CTU2: variants seen among roughly 807,000 people sequenced by gnomAD.
CTU2 encodes cytoplasmic tRNA 2-thiolation protein 2.
CTU2 carries 80 observed loss-of-function variants against 64.1 expected under a neutral mutation model. That is an observed-to-expected ratio of 1.25 (90% CI 1.04 to 1.50). The LOEUF is 1.50. Among genes scored for constraint, CTU2 ranks in the 40% most tolerant of loss-of-function variants. The pLI, the probability that CTU2 is intolerant of heterozygous loss-of-function variation, is 0.00. For synonymous variants in CTU2, 482 were observed against 285.3 expected, an observed-to-expected ratio of 1.69 and a Z score of -6.95; for missense variants, 1,110 against 690.2, an observed-to-expected ratio of 1.61 and a Z score of -6.81.
At position 88,712,849 on chromosome 16, in the gene CTU2, A is replaced by C. The variant is rs376136813; in HGVS notation, c.681A>C (p.Gln227His). 1 of 1,581,268 alleles carries C rather than the reference A, an allele frequency of 6.3e-7. No individual in the cohort carries two copies. Among genetic ancestry groups the C allele is most frequent in the South Asian group, 1.2e-5 (1 of 86,444 alleles). ...PAPAQTEALS[Q>H]LFCSVRTLTA... ...CTGCCCAGACTGAGGCTCTTTCCCA[A>C]CTGTTCTGCTCAGTGAGGACACTGA... The change falls in exon 7 of 15, where the codon CAA becomes CAC. Residue 227 changes from glutamine (Q) to histidine (H), a missense_variant. Physicochemically the swap from Gln to His is conservative, Grantham distance 24. Coordinates refer to ENST00000453996, the MANE Select transcript of CTU2 (RefSeq NM_001012759.3).
chr16:88,706,668 C>A (rs1227373300), intron 1 of CTU2, 70 bp downstream of exon 1: 3 of 1,181,224 alleles, frequency 2.5e-6, no homozygotes, highest in Non-Finnish European at 3.3e-6. Context: ...CCGAAGGGTC[C>A]CGGCCGGGCT....
At position 88,715,227 on chromosome 16, in the gene CTU2, T is replaced by TGACGACGAGGCGGGCCAGA; in HGVS notation, c.1526_1544dup (p.Ser515ArgfsTer44). 6.2e-7 allele frequency: 1 copy of TGACGACGAGGCGGGCCAGA among 1,612,066 alleles called. No homozygotes were observed. The highest frequency in any genetic ancestry group is 8.5e-7 in the Non-Finnish European group (1 of 1,179,828). ...TCCGGGACTGTCTGATTGAGGACAG[T>TGACGACGAGGCGGGCCAGA]GACGACGAGGCGGGCCAGAGCTGAG... On this transcript the variant is annotated frameshift_variant, in exon 15 of 15. Transcript: ENST00000453996. LOFTEE classifies it high-confidence loss of function.
Position 88,713,716 on chromosome 16 carries a change from G to GTCGCTTTCTACAACCGCCTGTTCTCCGT in CTU2, c.946_973dup (p.Pro325ArgfsTer23). 1 of 1,612,682 alleles carries GTCGCTTTCTACAACCGCCTGTTCTCCGT rather than the reference G, an allele frequency of 6.2e-7. No homozygotes were observed. The highest frequency in any genetic ancestry group is 8.5e-7 in the Non-Finnish European group (1 of 1,179,892). ...CATGCGGGACCACACCCTGAAGGAGGTCGCTTTCTACAACCGCCTGTTCTC... is the reference window on the plus strand; with the variant it reads ...CATGCGGGACCACACCCTGAAGGAGGTCGCTTTCTACAACCGCCTGTTCTCCGTTCGCTTTCTACAACCGCCTGTTCTC... On this transcript the variant is annotated frameshift_variant, in exon 9 of 15. Coordinates refer to ENST00000453996, the MANE Select transcript of CTU2 (RefSeq NM_001012759.3). LOFTEE classifies it high-confidence loss of function.
chr16:88,713,280 C>T, intron 7 of CTU2, 32 bp from the exon 8 acceptor site: 4 of 1,565,950 alleles, frequency 2.6e-6, no homozygotes, highest in Non-Finnish European at 3.5e-6. Flanking sequence ...GGTCCTGCAC[C>T]CCCCAGGCCC....
chr16:88,713,734 C>A lies in CTU2; in HGVS notation c.961C>A (p.Leu321Met), dbSNP rs911187520. The part of the protein sequence containing the change: ...TLKEVAFYNR[L>M]FSVPSVFTPA... The stretch of plus-strand genomic sequence containing the variant: ...GAAGGAGGTCGCTTTCTACAACCGC[C>A]TGTTCTCCGTTCCTTCTGTCTTCAC... The change falls in exon 9 of 15, where the codon CTG becomes ATG. Residue 321 changes from leucine to methionine, a missense_variant. Physicochemically the swap from Leu to Met is conservative, Grantham distance 15 (BLOSUM62 2). Transcript: ENST00000453996. 6.2e-7 allele frequency: 1 copy of A among 1,612,734 alleles called. No homozygotes were observed. Among genetic ancestry groups the A allele is most frequent in the Non-Finnish European group, 8.5e-7 (1 of 1,179,902 alleles).
chr16:88,708,763 A>C (rs1416370564), intron 2 of CTU2, among the ~76,000 whole-genome samples: 1 of 152,166 alleles, frequency 6.6e-6, no homozygotes, highest in Non-Finnish European at 1.5e-5. Flanking sequence ...TTAGAGCCCC[A>C]GGTGCAGGGT....
Position 88,712,662 on chromosome 16 carries a change from A to G in CTU2, c.494A>G (p.Gln165Arg). 4 of 1,610,614 alleles carry G rather than the reference A, an allele frequency of 2.5e-6. No individual in the cohort carries two copies. In the African/African-American group the frequency reaches 4.0e-5, roughly 16 times the overall value. ...CCGTCGGTGCTTTGGTGCTCTGCCC[A>G]GGAGCTGGTGGGATCCGAGGGGGCC... ...LPPSVLWCSA[Q>R]ELVGSEGAYK... Residue 165 changes from glutamine (Q) to arginine (R), a missense_variant, in exon 7 of 15, where the codon CAG becomes CGG. Gln to Arg is a conservative substitution (Grantham distance 43, BLOSUM62 1). Transcript: ENST00000453996.
chr16:88,712,553 G>C (rs1911417900), intron 6 of CTU2, 69 bp from the exon 7 acceptor site: 4 of 1,561,606 alleles, frequency 2.6e-6, no homozygotes, highest in African/African-American at 2.7e-5. Flanking sequence ...CATCCCGGAA[G>C]GTGGGGCTGT....
Position 88,715,189 on chromosome 16 carries a change from G to GGCTT in CTU2, c.1489_1492dup (p.Gln498LeufsTer10), listed in dbSNP as rs1567654642. 1.9e-6 allele frequency: 3 copies of GGCTT among 1,612,436 alleles called. 1 individual carries two copies. In the East Asian group the frequency reaches 6.7e-5, roughly 36 times the overall value. The stretch of plus-strand genomic sequence containing the variant: ...CTGCAGCTTTCTCTCTAGGGCCTGG[G>GGCTT]GCTTGCAGGAGATCCGGGACTGTCT... On this transcript the variant is annotated frameshift_variant, in exon 15 of 15. Coordinates refer to ENST00000453996, the MANE Select transcript of CTU2 (RefSeq NM_001012759.3). LOFTEE classifies it low-confidence loss of function (END_TRUNC).
chr16:88,712,666 G>A lies in CTU2; in HGVS notation c.498G>A (p.Glu166=), dbSNP rs1911430645. 1.9e-6 allele frequency: 3 copies of A among 1,610,662 alleles called. No homozygotes were observed. Among genetic ancestry groups the A allele is most frequent in the Non-Finnish European group, 2.5e-6 (3 of 1,179,572 alleles). ...CGGTGCTTTGGTGCTCTGCCCAGGA[G>A]CTGGTGGGATCCGAGGGGGCCTACA... ...PPSVLWCSAQ[E]LVGSEGAYKA... The change falls in exon 7 of 15, where the codon GAG becomes GAA. Residue 166 remains glutamate (E), a synonymous_variant. Coordinates refer to ENST00000453996, the MANE Select transcript of CTU2 (RefSeq NM_001012759.3).
chr16:88,708,504 C>G (rs150076191), intron 2 of CTU2, among the ~76,000 whole-genome samples: 1 of 152,116 alleles, frequency 6.6e-6, no homozygotes, highest in South Asian at 2.1e-4. Context: ...AAGCCCAGCA[C>G]CTGTGTCTCC....
Position 88,714,209 on chromosome 16 carries a change from C to T in CTU2, c.1079C>T (p.Thr360Ile), listed in dbSNP as rs1567652049. The T allele has an allele frequency of 1.9e-6, 3 of 1,604,688 alleles. No homozygotes were observed. Among genetic ancestry groups the T allele is most frequent in the African/African-American group, 1.4e-5 (1 of 72,368 alleles). The change falls in exon 10 of 15, where the codon ACT (threonine) becomes ATT (isoleucine). Residue 360 changes from threonine to isoleucine, a missense_variant. Physicochemically the swap from Thr to Ile is moderately conservative, Grantham distance 89. Transcript: ENST00000453996. The stretch of plus-strand genomic sequence containing the variant: ...AGGCTGCAGACCCAGTTCCCCTCCA[C>T]TGTCAGCACTGTGTACAGGTGTGGG... ...ILRLQTQFPS[T>I]VSTVYRTSEK...
chr16:88,708,714 G>C (rs1567645831), intron 2 of CTU2, among the ~76,000 whole-genome samples: 1 of 152,168 alleles, frequency 6.6e-6, no homozygotes, highest in Non-Finnish European at 1.5e-5. Flanking sequence ...GGGAGGGACT[G>C]CTGTGCACAT....
chr16:88,710,318 G>A, intron 4 of CTU2, 36 bp downstream of exon 4: 2 of 1,611,848 alleles, frequency 1.2e-6, no homozygotes, highest in South Asian at 2.2e-5. Flanking sequence ...CGGGCTGCTG[G>A]GCTGAGCTTC....
chr16:88,707,263 A>T (rs1910946011), intron 2 of CTU2, 53 bp downstream of exon 2: 8 of 1,494,164 alleles, frequency 5.4e-6, no homozygotes, highest in Non-Finnish European at 7.5e-6. Flanking sequence ...GCTAGCAGAC[A>T]GGATAGCCGC....
At chr16:88,708,914 C>T (rs1461322762) in intron 2 of CTU2, 3 of 152,332 alleles carry the variant, frequency 2.0e-5, no homozygotes, top group South Asian at 2.1e-4. Context: ...GCAATTCTAA[C>T]ATACAGCCAG....
rs1196370561 is a variant in CTU2, at chr16:88,714,568, A to C, written c.1202-19A>C. The C allele has an allele frequency of 1.2e-6, 2 of 1,612,174 alleles. No individual in the cohort carries two copies. The highest frequency in any genetic ancestry group is 3.3e-5 in the Admixed American group (2 of 59,970). On this transcript the variant is annotated intron_variant, in intron 11 of 14. Transcript: ENST00000453996. ...GGGCTCAGCAGCCCCAGGCTCCGTC[A>C]CCCCCTCTCTGCTTGCAGACAGTGC...
intron 1 of CTU2, 197 bp downstream of exon 1, chr16:88,706,795 T>C: frequency 1.9e-6 from 1 of 527,790 alleles, no homozygotes; most frequent in South Asian, 2.8e-5. Flanking sequence ...GCGCCTCTCA[T>C]CCTAGCAGCC....
intron 14 of CTU2, 34 bp downstream of exon 14, chr16:88,715,140 A>T (rs369963670): frequency 5.2e-5 from 83 of 1,607,708 alleles, no homozygotes; most frequent in Non-Finnish European, 7.0e-5. Flanking sequence ...GCGCGTGGGT[A>T]AGGGGCCTCG....
Sources: gnomAD v4.1 joint callset for allele counts (sites outside exome capture counted in the v4.1 genomes callset) on GRCh38, gnomAD v4.1.1 for gene constraint, MANE v1.5 for transcripts, NCBI Gene and HGNC (gene_info 2026-07-23, HGNC 2026-07-21) for gene names.